CCNL1: variants seen among roughly 807,000 people sequenced by gnomAD.
CCNL1 encodes cyclin-L1.
CCNL1 carries 13 observed loss-of-function variants against 60.6 expected under a neutral mutation model. That is an observed-to-expected ratio of 0.21 (90% CI 0.14 to 0.34). The LOEUF is 0.34. Ranked by LOEUF, CCNL1 falls within the 10% of genes least tolerant of loss-of-function variation. The pLI is 1.00. For synonymous variants in CCNL1, 270 were observed against 244.3 expected (o/e 1.10, Z -0.98); for missense variants, 481 against 664.3 (o/e 0.72, Z 3.03).
At position 157,159,752 on chromosome 3, in the gene CCNL1, G is replaced by T. The variant is rs1410034814; in HGVS notation, c.303+40C>A. The T allele has an allele frequency of 3.4e-6, 5 of 1,479,372 alleles. No individual in the cohort carries two copies. In the Admixed American group the frequency reaches 1.1e-4, roughly 32 times the overall value. The allele number at this position is 1,479,372 out of a possible 1,614,324, so 91.6% of individuals were successfully genotyped here. A position where few individuals can be genotyped will look rare whatever the true frequency, so the allele number is the denominator to read the frequency against. Reference sequence around the variant, plus strand: ...GATGCGGCGTAGGGGACGGAGGAGAGGAGAGGAGCGCCCGGCCGGCCCGGG... The same window carrying T: ...GATGCGGCGTAGGGGACGGAGGAGATGAGAGGAGCGCCCGGCCGGCCCGGG... On this transcript the variant is annotated intron_variant, in intron 1 of 10. Transcript: ENST00000295926.
chr3:157,146,578 C>T (rs532042949), downstream of CCNL1: 16 of 429,646 alleles, frequency 3.7e-5, no homozygotes, highest in African/African-American at 2.1e-4. Context: ...AGTTCGTGAC[C>T]GACCTGGGCA....
At position 157,148,234 on chromosome 3, in the gene CCNL1, G is replaced by C. The variant is rs1316868258; in HGVS notation, c.*7C>G. Reference sequence around the variant, plus strand: ...AAGAACTGATGCAGGCTCAAAGGAAGAGAAAGTCAGCGCCTGTGCCTGCCA... The same window carrying C: ...AAGAACTGATGCAGGCTCAAAGGAACAGAAAGTCAGCGCCTGTGCCTGCCA... On this transcript the variant is annotated 3_prime_UTR_variant, in exon 11 of 11. Transcript: ENST00000295926. The C allele has an allele frequency of 3.7e-6, 6 of 1,609,278 alleles. No homozygotes were observed. Among genetic ancestry groups the C allele is most frequent in the Middle Eastern group, 1.7e-4 (1 of 6,040 alleles).
At chr3:157,151,884 C>A (rs1347082200) in intron 5 of CCNL1, 49 of 1,236,730 alleles carry the variant, frequency 4.0e-5, no homozygotes, top group Non-Finnish European at 5.0e-5. Context: ...AGGTCATGGG[C>A]TGAAGTGCAG....
intron 5 of CCNL1, 143 bp from the exon 6 acceptor site, chr3:157,150,524 CTT>C: frequency 7.2e-7 from 1 of 1,391,458 alleles, no homozygotes; most frequent in Non-Finnish European, 9.4e-7. Flanking sequence ...TATAACAACT[CTT>C]AACTCAAAAA....
rs760893912 is a variant in CCNL1 at position 157,148,263 on chromosome 3, C to G, written c.1559G>C (p.Gly520Ala). ...KSKHHGGSRSGHGRHRR is the reference protein window; with the variant it reads ...KSKHHGGSRSAHGRHRR ...AAGTCAGCGCCTGTGCCTGCCATGT[C>G]CTGAGCGACTGCCACCATGGTGCTT... is the stretch of plus-strand genomic sequence containing the variant. Residue 520 changes from glycine to alanine, a missense_variant, in exon 11 of 11, where the codon GGA (glycine) becomes GCA (alanine). By Grantham distance (60) the Gly-to-Ala change is moderately conservative (BLOSUM62 0). This residue lies in a region of CCNL1 where 197 missense variants were observed against 233.9 expected (regional missense o/e 0.84). Coordinates refer to ENST00000295926, the MANE Select transcript of CCNL1 (RefSeq NM_020307.4). 1 of 1,614,068 alleles carries G rather than the reference C, an allele frequency of 6.2e-7. No homozygotes were observed. Among genetic ancestry groups the G allele is most frequent in the South Asian group, 1.1e-5 (1 of 91,074 alleles).
At chr3:157,151,450 TA>T in intron 5 of CCNL1, 2 of 985,850 alleles carry the variant, frequency 2.0e-6, no homozygotes, top group Non-Finnish European at 2.4e-6. Flanking sequence ...ACATCTCTTT[TA>T]AAAATGAAGT....
chr3:157,154,546 T>C (rs1738444401), intron 3 of CCNL1: 1 of 152,148 alleles, frequency 6.6e-6, no homozygotes, highest in African/African-American at 2.4e-5. Context: ...AAAACAAAAA[T>C]CTATTTCAAT....
At chr3:157,149,677 T>C in intron 8 of CCNL1, 81 bp from the exon 9 acceptor site, 1 of 1,472,658 alleles carries the variant, frequency 6.8e-7, no homozygotes, top group Non-Finnish European at 9.3e-7. Flanking sequence ...TAACTCAAAG[T>C]ACCATGCTTC....
intron 3 of CCNL1, chr3:157,158,553 C>G (rs750111150): frequency 1.3e-4 from 24 of 182,082 alleles, no homozygotes; most frequent in Non-Finnish European, 1.7e-4. Context: ...AAATAACTTA[C>G]AGAATACACT....
Position 157,149,399 on chromosome 3 carries a change from T to A in CCNL1, c.1134-14A>T. ...TCTTTTCTTACACTTCAAAAAATCA[T>A]GACATATTAGTTACAAACTTAGTGT... is the stretch of plus-strand genomic sequence containing the variant. On this transcript the variant is annotated splice_polypyrimidine_tract_variant and intron_variant, in intron 9 of 10. Transcript: ENST00000295926. The A allele has an allele frequency of 6.2e-7, 1 of 1,612,470 alleles. No homozygotes were observed. Among genetic ancestry groups the A allele is most frequent in the East Asian group, 2.2e-5 (1 of 44,864 alleles).
downstream of CCNL1, among the ~76,000 whole-genome samples, chr3:157,144,348 T>C (rs1432820970): frequency 6.6e-6 from 1 of 152,222 alleles, no homozygotes; most frequent in African/African-American, 2.4e-5. Context: ...TGCGTTCCAA[T>C]ATGAAGTCTG....
downstream of CCNL1, among the ~76,000 whole-genome samples, chr3:157,146,271 G>A (rs1354018388): frequency 1.3e-5 from 2 of 152,074 alleles, no homozygotes; most frequent in African/African-American, 4.8e-5. Flanking sequence ...GCCATAGAGT[G>A]GCATGAGGTT....
chr3:157,155,871 A>G (rs1411005728), intron 3 of CCNL1, among the ~76,000 whole-genome samples: 1 of 152,142 alleles, frequency 6.6e-6, no homozygotes, highest in East Asian at 1.9e-4. Context: ...TTCAGAGAAA[A>G]CTCAAAAATA....
downstream of CCNL1, among the ~76,000 whole-genome samples, chr3:157,146,305 G>A (rs572682552): frequency 1.7e-4 from 26 of 152,176 alleles, no homozygotes; most frequent in South Asian, 4.1e-4. Context: ...CTTAGAAAAC[G>A]GATTCAGTAA....
At position 157,149,980 on chromosome 3, in the gene CCNL1, G is replaced by A. The variant is rs765798292; in HGVS notation, c.880-3C>T. ...TTTTCCAGTAATTCATAGTTTGGCT[G>A]TTGGAGGAAAAAAAAGTTAGTATTT... On this transcript the variant is annotated splice_region_variant and splice_polypyrimidine_tract_variant and intron_variant, in intron 7 of 10. Transcript: ENST00000295926. The A allele has an allele frequency of 2.5e-6, 4 of 1,582,812 alleles. No homozygotes were observed. Among genetic ancestry groups the A allele is most frequent in the South Asian group, 2.2e-5 (2 of 89,594 alleles).
intron 3 of CCNL1, among the ~76,000 whole-genome samples, chr3:157,158,238 T>TCTTA (rs1244139853): frequency 6.6e-6 from 1 of 152,184 alleles, no homozygotes; most frequent in African/African-American, 2.4e-5. Context: ...ACCCAATCAA[T>TCTTA]CTTACTTGTT....
At chr3:157,146,063 G>C (rs1166179297), downstream of CCNL1, among the ~76,000 whole-genome samples, 1 of 152,212 alleles carries the variant, frequency 6.6e-6, no homozygotes, top group East Asian at 1.9e-4. Flanking sequence ...TGTGGACTGA[G>C]ACACTTGGGA....
intron 3 of CCNL1, chr3:157,157,165 C>T: frequency 8.6e-7 from 1 of 1,165,096 alleles, no homozygotes; most frequent in Non-Finnish European, 1.1e-6. Context: ...TTGTAATATG[C>T]ATAGAAACAC....
chr3:157,146,735 A>C (rs1737797415), downstream of CCNL1: 2 of 316,028 alleles, frequency 6.3e-6, no homozygotes, highest in Non-Finnish European at 6.3e-6. Flanking sequence ...TTCAGCATTT[A>C]GAAGCAGTTA....
Sources: gnomAD v4.1 joint callset for allele counts (sites outside exome capture counted in the v4.1 genomes callset) on GRCh38, gnomAD v4.1.1 for gene constraint, gnomAD v4.1.1 regional missense constraint, MANE v1.5 for transcripts, NCBI Gene and HGNC (gene_info 2026-07-23, HGNC 2026-07-21) for gene names.